Variants in OSBPL10 observed in about 807,000 individuals in gnomAD.
The protein encoded by OSBPL10 is oxysterol binding protein like 10.
In OSBPL10, 49 loss-of-function variants were observed where a neutral mutation model predicts 81.7. The observed-to-expected ratio is 0.60, with a 90% CI of 0.48 to 0.76. The LOEUF is 0.76. Among genes scored for constraint, OSBPL10 ranks in the 30% least tolerant of loss-of-function variants. OSBPL10 has a pLI of 0.00. For synonymous variants in OSBPL10, 419 were observed against 383.6 expected (o/e 1.09, Z -1.08); for missense variants, 923 against 987.8 (o/e 0.93, Z 0.88).
rs375120082 is a variant in OSBPL10 at position 31,989,811 on chromosome 3, C to T, written n.298+56680G>A. 4.6e-5 allele frequency: 74 copies of T among 1,613,948 alleles called. No individual in the cohort carries two copies. The African/African-American group carries it at 8.7e-4, about 19-fold the overall frequency. On this transcript the variant is annotated intron_variant and non_coding_transcript_variant, in intron 2 of 3. Transcript: ENST00000479173. ...GCAAAGCCTTTAATTGTAGCTCACTCTTAAGGAAACATCAGATAATCTATT... is the reference window on the plus strand; with the variant it reads ...GCAAAGCCTTTAATTGTAGCTCACTTTTAAGGAAACATCAGATAATCTATT...
chr3:31,976,667 C>T (rs1164477663), intron 1 of OSBPL10, among the ~76,000 whole-genome samples: 2 of 152,100 alleles, frequency 1.3e-5, no homozygotes, highest in Admixed American at 6.5e-5. Flanking sequence ...ATGGTTCCCA[C>T]GCTGGTCTGG....
intron 4 of OSBPL10, among the ~76,000 whole-genome samples, chr3:31,809,867 C>CCTT (rs1553628369): frequency 1.2e-5 from 1 of 83,460 alleles, no homozygotes; most frequent in Non-Finnish European, 2.1e-5. Context: ...TGCCCCCTGA[C>CCTT]TCTTTTTTTT....
chr3:31,779,414 G>C (rs1228801047), intron 4 of OSBPL10, among the ~76,000 whole-genome samples: 1 of 152,122 alleles, frequency 6.6e-6, no homozygotes, highest in African/African-American at 2.4e-5. Context: ...AGCAGGAATT[G>C]TTATTCTATC....
intron 6 of OSBPL10, among the ~76,000 whole-genome samples, chr3:31,729,238 G>A (rs1696893430): frequency 6.6e-6 from 1 of 152,116 alleles, no homozygotes; most frequent in Admixed American, 6.6e-5. Flanking sequence ...TGTCATTCAG[G>A]ATGGGTTTAT....
chr3:31,793,790 A>T (rs1242687395), intron 4 of OSBPL10, among the ~76,000 whole-genome samples: 1 of 152,250 alleles, frequency 6.6e-6, no homozygotes, highest in Non-Finnish European at 1.5e-5. Flanking sequence ...GAGAGTTTAG[A>T]TATACAGTTG....
rs146704031 is a variant in OSBPL10 at position 31,799,582 on chromosome 3, T to C, written c.729+30458A>G. Among the ~76,000 whole-genome samples, 5 of 152,214 alleles carry C rather than the reference T, an allele frequency of 3.3e-5. No individual in the cohort carries two copies. The South Asian group carries it at 8.3e-4, about 25-fold the overall frequency. Reference sequence around the variant, plus strand: ...TAGCTCATGGAGGTGTTGGTGAAGATGAATTAGTCACAGTCCCTGGTACAT... The same window carrying C: ...TAGCTCATGGAGGTGTTGGTGAAGACGAATTAGTCACAGTCCCTGGTACAT... On this transcript the variant is annotated intron_variant, in intron 4 of 11. Coordinates refer to ENST00000396556, the MANE Select transcript of OSBPL10 (RefSeq NM_017784.5).
chr3:31,748,175 T>A, intron 4 of OSBPL10, 55 bp from the exon 5 acceptor site: 4 of 1,498,670 alleles, frequency 2.7e-6, no homozygotes, highest in South Asian at 2.4e-5. Flanking sequence ...TTCGACAGGC[T>A]GGGGAGGCGG....
intron 1 of OSBPL10, among the ~76,000 whole-genome samples, chr3:31,938,826 A>C (rs1328785607): frequency 6.6e-6 from 1 of 152,090 alleles, no homozygotes; most frequent in Non-Finnish European, 1.5e-5. Context: ...GACTTTGCCC[A>C]AGCCTCAGGG....
At chr3:32,011,815 G>A (rs969333226) in intron 2 of OSBPL10, among the ~76,000 whole-genome samples, 1 of 152,158 alleles carries the variant, frequency 6.6e-6, no homozygotes, top group Non-Finnish European at 1.5e-5. Flanking sequence ...TTCAGTAGCC[G>A]ATTTGATCAA....
intron 1 of OSBPL10, among the ~76,000 whole-genome samples, chr3:31,908,973 C>A (rs6804657): frequency 0.77 from 116,623 of 152,160 alleles, 45,359 homozygotes; most frequent in East Asian, 0.96. Flanking sequence ...CCTTCTGAAA[C>A]CATTAACTTT....
intron 6 of OSBPL10, among the ~76,000 whole-genome samples, chr3:31,724,729 G>C (rs1028316488): frequency 6.6e-6 from 1 of 152,194 alleles, no homozygotes; most frequent in Non-Finnish European, 1.5e-5. Flanking sequence ...CATGAAAGCT[G>C]CCAGAAACCA....
At chr3:31,816,787 C>T (rs1320908440) in intron 4 of OSBPL10, among the ~76,000 whole-genome samples, 1 of 152,108 alleles carries the variant, frequency 6.6e-6, no homozygotes, top group African/African-American at 2.4e-5. Flanking sequence ...GCGGGTGACT[C>T]CTTTCTGTAG....
chr3:31,762,435 C>T (rs371490563), intron 4 of OSBPL10, among the ~76,000 whole-genome samples: 1 of 152,060 alleles, frequency 6.6e-6, no homozygotes, highest in East Asian at 1.9e-4. Context: ...CTCTAATCCT[C>T]CCAGCTCTGT....
intron 1 of OSBPL10, among the ~76,000 whole-genome samples, chr3:31,966,278 T>C (rs1439914578): frequency 6.7e-6 from 1 of 150,356 alleles, no homozygotes; most frequent in African/African-American, 2.4e-5. Context: ...AAAATAGAAA[T>C]ACAACATATC....
intron 4 of OSBPL10, among the ~76,000 whole-genome samples, chr3:31,816,982 T>A (rs1271171640): frequency 6.6e-6 from 1 of 152,122 alleles, no homozygotes; most frequent in Non-Finnish European, 1.5e-5. Flanking sequence ...CATCATCCCA[T>A]CTCTCTGCCC....
intron 6 of OSBPL10, among the ~76,000 whole-genome samples, chr3:31,720,755 C>T (rs574220231): frequency 1.3e-5 from 2 of 151,846 alleles, no homozygotes; most frequent in East Asian, 3.9e-4. Context: ...AAAAAATTAG[C>T]CGGGCGTGGT....
chr3:31,818,542 G>A (rs1004773219), intron 4 of OSBPL10, among the ~76,000 whole-genome samples: 3 of 152,146 alleles, frequency 2.0e-5, no homozygotes, highest in Admixed American at 6.5e-5. Flanking sequence ...CAGTTCTCAT[G>A]GCCTCCTCTC....
chr3:31,920,111 T>C (rs769456786), intron 1 of OSBPL10, among the ~76,000 whole-genome samples: 1 of 152,128 alleles, frequency 6.6e-6, no homozygotes, highest in East Asian at 1.9e-4. Context: ...AAGGTAAAAC[T>C]ATAAAGACAT....
At chr3:31,716,149 A>G (rs1696425730) in intron 6 of OSBPL10, among the ~76,000 whole-genome samples, 1 of 152,194 alleles carries the variant, frequency 6.6e-6, no homozygotes, top group African/African-American at 2.4e-5. Flanking sequence ...ACCTACAGAC[A>G]CAGAAACTCT....
Sources: allele counts gnomAD v4.1 joint callset (sites outside exome capture counted in the v4.1 genomes callset), GRCh38; gene constraint gnomAD v4.1.1; transcripts MANE v1.5; gene names NCBI Gene and HGNC (gene_info 2026-07-23, HGNC 2026-07-21).